Variants in PAK5 observed in about 807,000 individuals in gnomAD.
PAK5 encodes the protein serine/threonine-protein kinase PAK 5.
PAK5 carries 16 observed loss-of-function variants against 65.9 expected under a neutral mutation model. The ratio of observed to expected loss-of-function variants is 0.24; its 90% confidence interval spans 0.16 to 0.37. The LOEUF (loss-of-function observed/expected upper bound fraction) is 0.37. Among genes scored for constraint, PAK5 ranks in the 10% least tolerant of loss-of-function variants. The pLI is 1.00. For missense variants in PAK5, 785 were observed against 903.9 expected (o/e 0.87, Z 1.69); for synonymous variants, 371 against 354.9 (o/e 1.05, Z -0.51).
At chr20:9,656,183 C>T (rs1040046827) in intron 2 of PAK5, among the ~76,000 whole-genome samples, 1 of 152,148 alleles carries the variant, frequency 6.6e-6, no homozygotes, top group Non-Finnish European at 1.5e-5. Context: ...AGTTGGTCTT[C>T]CTTAGCAAGC....
intron 3 of PAK5, among the ~76,000 whole-genome samples, chr20:9,609,000 G>C (rs1161308125): frequency 2.0e-5 from 3 of 152,212 alleles, no homozygotes; most frequent in Non-Finnish European, 4.4e-5. Context: ...AATTAGTGAT[G>C]CCTCTTCACC....
intron 3 of PAK5, among the ~76,000 whole-genome samples, chr20:9,596,125 A>G (rs1010940834): frequency 1.3e-5 from 2 of 152,186 alleles, no homozygotes; most frequent in African/African-American, 2.4e-5. Flanking sequence ...ATTCCTCTCA[A>G]TGACCACTTC....
intron 1 of PAK5, among the ~76,000 whole-genome samples, chr20:9,745,684 G>T (rs1757854831): frequency 6.6e-6 from 1 of 151,952 alleles, no homozygotes; most frequent in African/African-American, 2.4e-5. Context: ...TGTAGGTCTG[G>T]GGTAGGACCC....
At chr20:9,673,886 C>T (rs2047533699) in intron 2 of PAK5, among the ~76,000 whole-genome samples, 1 of 152,166 alleles carries the variant, frequency 6.6e-6, no homozygotes. Flanking sequence ...GGGCCACTGA[C>T]CCCAGTGCAG....
intron 1 of PAK5, among the ~76,000 whole-genome samples, chr20:9,796,939 G>C (rs1319709695): frequency 6.6e-6 from 1 of 152,048 alleles, no homozygotes; most frequent in Admixed American, 6.6e-5. Flanking sequence ...GGTATTTCTA[G>C]TTCTAGATCC....
intron 3 of PAK5, among the ~76,000 whole-genome samples, chr20:9,614,617 T>C (rs2046622546): frequency 6.6e-6 from 1 of 152,138 alleles, no homozygotes; most frequent in African/African-American, 2.4e-5. Flanking sequence ...GGAACAAAGG[T>C]AAGAATTTCA....
intron 1 of PAK5, among the ~76,000 whole-genome samples, chr20:9,725,692 T>C (rs993423728): frequency 6.6e-6 from 1 of 152,096 alleles, no homozygotes; most frequent in Non-Finnish European, 1.5e-5. Context: ...TAGTAACAAG[T>C]ATGGAGAGAA....
intron 2 of PAK5, among the ~76,000 whole-genome samples, chr20:9,675,528 A>T (rs1270798295): frequency 1.3e-5 from 2 of 152,142 alleles, no homozygotes; most frequent in Non-Finnish European, 2.9e-5. Context: ...TTTATTTTAG[A>T]GATGGAGTCT....
In PAK5 at chr20:9,545,047, C is replaced by A. The variant is rs147658245; in HGVS notation, c.1744-553G>T. Among the ~76,000 whole-genome samples, 578 of 152,248 alleles carry A rather than the reference C, an allele frequency of 3.8e-3. 2 individuals carry two copies. The highest frequency in any genetic ancestry group is 0.013 in the African/African-American group (559 of 41,536). ...AATGTCACTTTTAGTACTGGATACC[C>A]TTCCCTTTTTGGTTTGCTCCTTTGT... On this transcript the variant is annotated intron_variant, in intron 7 of 9. Transcript: ENST00000353224.
At position 9,538,285 on chromosome 20, in the gene PAK5, C is replaced by T. The variant is rs534583233; in HGVS notation, c.*1177G>A. On this transcript the variant is annotated 3_prime_UTR_variant, in exon 10 of 10. Transcript: ENST00000353224. ...AAGTCAGATCATACCTGGTAAAATA[C>T]CCTCTTGCTAATTCATCCTCTAGAG... 4.3e-6 allele frequency: 1 copy of T among 233,522 alleles called. No individual in the cohort carries two copies. The highest frequency in any genetic ancestry group is 8.5e-6 in the Non-Finnish European group (1 of 118,026). 14.5% of individuals were successfully genotyped at this position (233,522 alleles called of 1,614,324 possible).
chr20:9,581,401 C>T (rs1297832839), intron 3 of PAK5, among the ~76,000 whole-genome samples: 1 of 152,034 alleles, frequency 6.6e-6, no homozygotes, highest in African/African-American at 2.4e-5. Context: ...GCATTATCAC[C>T]CAACTATTAA....
chr20:9,688,155 A>G (rs200791248), intron 2 of PAK5, among the ~76,000 whole-genome samples: 1 of 152,136 alleles, frequency 6.6e-6, no homozygotes, highest in Non-Finnish European at 1.5e-5. Context: ...GTGGAAACCA[A>G]GGGCAGGTAC....
intron 2 of PAK5, among the ~76,000 whole-genome samples, chr20:9,664,980 C>A (rs2047394781): frequency 6.6e-6 from 1 of 151,750 alleles, no homozygotes; most frequent in Non-Finnish European, 1.5e-5. Context: ...AGGCTAGAGT[C>A]ATGATCATGG....
intron 1 of PAK5, among the ~76,000 whole-genome samples, chr20:9,742,401 C>A (rs2048459893): frequency 6.6e-6 from 1 of 152,190 alleles, no homozygotes; most frequent in Non-Finnish European, 1.5e-5. Context: ...AAGTCACTTT[C>A]TCATTAATCA....
chr20:9,835,709 G>C (rs919281700), intron 1 of PAK5, among the ~76,000 whole-genome samples: 2 of 152,072 alleles, frequency 1.3e-5, no homozygotes, highest in Non-Finnish European at 2.9e-5. Context: ...GATGTATTTA[G>C]AGATCTATAG....
At chr20:9,825,667 A>C (rs2049475626) in intron 1 of PAK5, among the ~76,000 whole-genome samples, 1 of 152,352 alleles carries the variant, frequency 6.6e-6, no homozygotes, top group Admixed American at 6.5e-5. Context: ...CAGCCTATTT[A>C]TGCAAATGTT....
chr20:9,577,625 A>T (rs2045909409), intron 4 of PAK5: 1 of 152,264 alleles, frequency 6.6e-6, no homozygotes, highest in Non-Finnish European at 1.5e-5. Context: ...TTCTAAAGAC[A>T]CAGGCACCTC....
At chr20:9,751,572 T>C (rs2048577644) in intron 1 of PAK5, among the ~76,000 whole-genome samples, 1 of 152,180 alleles carries the variant, frequency 6.6e-6, no homozygotes, top group Non-Finnish European at 1.5e-5. Flanking sequence ...CTCTGAACAC[T>C]GAGGCCTTTA....
intron 2 of PAK5, among the ~76,000 whole-genome samples, chr20:9,689,303 C>T (rs2047761365): frequency 6.6e-6 from 1 of 152,218 alleles, no homozygotes; most frequent in African/African-American, 2.4e-5. Flanking sequence ...ACTCACCAGT[C>T]TTTGGCTTCC....
Sources: gnomAD v4.1 joint callset for allele counts (sites outside exome capture counted in the v4.1 genomes callset) on GRCh38, gnomAD v4.1.1 for gene constraint, MANE v1.5 for transcripts, NCBI Gene and HGNC (gene_info 2026-07-23, HGNC 2026-07-21) for gene names.